Variants in COL13A1 observed in about 807,000 individuals in gnomAD.
COL13A1 encodes collagen alpha-1(XIII) chain.
In COL13A1, 89 loss-of-function variants were observed where a neutral mutation model predicts 130.9. The ratio of observed to expected loss-of-function variants is 0.68; its 90% confidence interval spans 0.57 to 0.81. The LOEUF (loss-of-function observed/expected upper bound fraction) is 0.81. Ranked by LOEUF, COL13A1 falls within the 30% of genes least tolerant of loss-of-function variation. The pLI is 0.00. For synonymous variants in COL13A1, 402 were observed against 341.6 expected (o/e 1.18, Z -1.95); for missense variants, 879 against 934.6 (o/e 0.94, Z 0.78).
chr10:69,917,181 C>A, intron 17 of COL13A1, 108 bp from the exon 18 acceptor site: 1 of 1,389,868 alleles, frequency 7.2e-7, no homozygotes, highest in Admixed American at 1.9e-5. Flanking sequence ...TCAACATGAA[C>A]CGGACAGCCA....
At chr10:69,917,943 C>G (rs2064129626) in intron 18 of COL13A1, among the ~76,000 whole-genome samples, 1 of 152,058 alleles carries the variant, frequency 6.6e-6, no homozygotes, top group Non-Finnish European at 1.5e-5. Context: ...TTTCATATTC[C>G]AACGAAGCTC....
chr10:69,886,411 T>G (rs1322617736), intron 7 of COL13A1, among the ~76,000 whole-genome samples: 1 of 152,146 alleles, frequency 6.6e-6, no homozygotes, highest in Non-Finnish European at 1.5e-5. Flanking sequence ...AGTCTGCCAG[T>G]CTAGAAAGCC....
At chr10:69,952,225 T>C (rs919106303) in intron 38 of COL13A1, among the ~76,000 whole-genome samples, 14 of 152,200 alleles carry the variant, frequency 9.2e-5, no homozygotes, top group African/African-American at 3.4e-4. Flanking sequence ...CACATACATA[T>C]GTGCACATGG....
intron 37 of COL13A1, among the ~76,000 whole-genome samples, chr10:69,946,942 C>T (rs2068645602): frequency 1.3e-5 from 2 of 152,182 alleles, no homozygotes; most frequent in Admixed American, 1.3e-4. Flanking sequence ...TGCCCACCAC[C>T]ACGGCCAGCT....
At chr10:69,838,439 A>G (rs78795325) in intron 2 of COL13A1, among the ~76,000 whole-genome samples, 6,654 of 152,262 alleles carry the variant, frequency 0.044, 202 homozygotes, top group East Asian at 0.11. Context: ...GGATCATGAC[A>G]ACCTCTACCT....
At chr10:69,937,792 G>T in intron 34 of COL13A1, 77 bp downstream of exon 34, 1 of 726,614 alleles carries the variant, frequency 1.4e-6, no homozygotes, top group South Asian at 1.6e-5. Flanking sequence ...GACAGCCAGC[G>T]GAAAGCTAAG....
rs115465409 is a variant in COL13A1, at chr10:69,917,656, A to G, written c.966+323A>G. On this transcript the variant is annotated intron_variant, in intron 18 of 40. Transcript: ENST00000645393. ...CTAAGGGGCACTTTGGGCATCATCT[A>G]TCTCTCAAAGTGAAATGATATCAGG... Among the ~76,000 whole-genome samples the G allele has an allele frequency of 5.7e-3, 865 of 151,030 alleles. 5 individuals are homozygous for G. The highest frequency in any genetic ancestry group is 0.02 in the African/African-American group (807 of 41,058).
At chr10:69,897,062 A>C (rs1362519079) in intron 13 of COL13A1, among the ~76,000 whole-genome samples, 3 of 151,874 alleles carry the variant, frequency 2.0e-5, no homozygotes, top group Non-Finnish European at 1.5e-5. Flanking sequence ...CCCTCAGCCC[A>C]ACATAAGGAA....
chr10:69,941,154 G>C lies in COL13A1; in HGVS notation c.1914+131G>C, dbSNP rs899083099. ...CTGGTCCCACCTCCGACACCAGAAA[G>C]GTGCCACTGATGCTCTGAAGTGCCT... On this transcript the variant is annotated intron_variant, in intron 35 of 40. Transcript: ENST00000645393. 5.4e-6 allele frequency: 8 copies of C among 1,472,620 alleles called. No homozygotes were observed. In the Admixed American group the frequency reaches 8.7e-5, roughly 16 times the overall value. The allele number at this position is 1,472,620 out of a possible 1,614,324, so 91.2% of individuals were successfully genotyped here.
rs115092344 is a variant in COL13A1 at position 69,827,182 on chromosome 10, G to A, written c.364+4744G>A. On this transcript the variant is annotated intron_variant, in intron 2 of 40. Coordinates refer to ENST00000645393, the MANE Select transcript of COL13A1 (RefSeq NM_001368882.1). ...GAGCAAGAAAAAGGCAGTAAGTTTC[G>A]GGATGACATGCAGTTGAAGAAATCT... is the stretch of plus-strand genomic sequence containing the variant. 2.3e-3 allele frequency among the ~76,000 whole-genome samples: 350 copies of A among 152,288 alleles called. 1 individual carries two copies. Among genetic ancestry groups the A allele is most frequent in the African/African-American group, 8.0e-3 (331 of 41,552 alleles).
intron 7 of COL13A1, among the ~76,000 whole-genome samples, chr10:69,881,212 T>TA (rs1424108204): frequency 6.6e-6 from 1 of 152,098 alleles, no homozygotes; most frequent in Non-Finnish European, 1.5e-5. Context: ...GGGGCTTTAA[T>TA]AAAATCACCA....
At chr10:69,811,693 C>G (rs756370463) in intron 1 of COL13A1, among the ~76,000 whole-genome samples, 1 of 152,138 alleles carries the variant, frequency 6.6e-6, no homozygotes, top group Non-Finnish European at 1.5e-5. Context: ...GCTTACACAC[C>G]TCAGTGACGG....
intron 7 of COL13A1, among the ~76,000 whole-genome samples, chr10:69,882,519 G>C (rs2060240728): frequency 6.6e-6 from 1 of 152,206 alleles, no homozygotes; most frequent in Non-Finnish European, 1.5e-5. Flanking sequence ...TCACATAATA[G>C]GTCTCCTTCA....
chr10:69,952,760 C>T (rs2069822484), intron 38 of COL13A1, 122 bp from the exon 39 acceptor site: 1 of 692,760 alleles, frequency 1.4e-6, no homozygotes, highest in Non-Finnish European at 2.3e-6. Context: ...GGAGAATATC[C>T]TAATTTAAAG....
At chr10:69,858,176 T>A (rs954873884) in intron 2 of COL13A1, among the ~76,000 whole-genome samples, 1 of 151,728 alleles carries the variant, frequency 6.6e-6, no homozygotes, top group Non-Finnish European at 1.5e-5. Context: ...TATTAGCCAT[T>A]CTTCTGGTTA....
intron 13 of COL13A1, chr10:69,897,569 C>T: frequency 1.2e-6 from 2 of 1,601,226 alleles, no homozygotes; most frequent in Non-Finnish European, 1.7e-6. Context: ...CCCCTCTCCA[C>T]TGAGAGGCTT....
chr10:69,897,615 C>A, intron 13 of COL13A1: 3 of 1,474,706 alleles, frequency 2.0e-6, no homozygotes, highest in Non-Finnish European at 2.8e-6. Context: ...CATCCCCAGG[C>A]CCCGGCAGTG....
chr10:69,922,780 C>T lies in COL13A1; in HGVS notation c.1216C>T (p.Pro406Ser), dbSNP rs750562111. The part of the protein sequence containing the change: ...GEPGPPGLPG[P>S]PGPKGEAGVD... ...ACCTGGCCCTCCAGGGCTCCCTGGG[C>T]CCCCAGGGCCAAAGGTGAGTGTTCC... Residue 406 changes from proline (P) to serine (S), a missense_variant, in exon 23 of 41, where the codon CCC (proline) becomes TCC (serine). Physicochemically the swap from Pro to Ser is moderately conservative, Grantham distance 74. This residue lies in a region of COL13A1 where 715 missense variants were observed against 721.0 expected (regional missense o/e 0.99). Coordinates refer to ENST00000645393, the MANE Select transcript of COL13A1 (RefSeq NM_001368882.1). 2.7e-5 allele frequency: 43 copies of T among 1,589,662 alleles called. No individual in the cohort carries two copies. In the South Asian group the frequency reaches 4.7e-4, roughly 18 times the overall value.
chr10:69,880,188 C>T (rs2059989884), intron 6 of COL13A1, among the ~76,000 whole-genome samples: 1 of 152,054 alleles, frequency 6.6e-6, no homozygotes, highest in African/African-American at 2.4e-5. Context: ...GTCCCACCAC[C>T]CTGTCTCCCC....
Sources: allele counts gnomAD v4.1 joint callset (sites outside exome capture counted in the v4.1 genomes callset), GRCh38; gene constraint gnomAD v4.1.1; regional missense constraint gnomAD v4.1.1; transcripts MANE v1.5; gene names NCBI Gene and HGNC (gene_info 2026-07-23, HGNC 2026-07-21).